The following TDRD3 variants were observed in gnomAD, a reference collection of about 807,000 sequenced individuals.
The protein encoded by TDRD3 is tudor domain-containing protein 3.
A neutral mutation model predicts 86.7 loss-of-function variants in TDRD3; 45 were observed. That is an observed-to-expected ratio of 0.52 (90% CI 0.41 to 0.67). TDRD3 has a LOEUF of 0.67. TDRD3 is among the 30% of genes least tolerant of loss of function. TDRD3 has a pLI of 0.00. For missense variants in TDRD3, 814 were observed against 889.0 expected, an observed-to-expected ratio of 0.92 and a Z score of 1.07; for synonymous variants, 298 against 301.7, an observed-to-expected ratio of 0.99 and a Z score of 0.13.
intron 1 of TDRD3, among the ~76,000 whole-genome samples, chr13:60,425,548 T>TA (rs1465046545): frequency 1.3e-5 from 2 of 152,184 alleles, no homozygotes; most frequent in Non-Finnish European, 1.5e-5. Flanking sequence ...CTCATAAAGA[T>TA]ATTTGCACTT....
intron 8 of TDRD3, among the ~76,000 whole-genome samples, chr13:60,508,287 C>T (rs993632920): frequency 4.6e-5 from 7 of 151,984 alleles, no homozygotes; most frequent in African/African-American, 1.7e-4. Flanking sequence ...TCAGATGGGA[C>T]CAAAAAGGAG....
At chr13:60,435,477 A>G (rs1478033967) in intron 1 of TDRD3, among the ~76,000 whole-genome samples, 1 of 152,042 alleles carries the variant, frequency 6.6e-6, no homozygotes, top group East Asian at 1.9e-4. Context: ...ATGTATTTGC[A>G]CCCTCATGCC....
chr13:60,536,163 C>T (rs1957693327), intron 12 of TDRD3: 1 of 151,922 alleles, frequency 6.6e-6, no homozygotes, highest in South Asian at 2.1e-4. Context: ...ACCCCTTCTC[C>T]ACCTTCCAAA....
chr13:60,561,865 TG>T (rs200925098), intron 12 of TDRD3, among the ~76,000 whole-genome samples: 17,707 of 141,898 alleles, frequency 0.12, 1,339 homozygotes, highest in South Asian at 0.26. Flanking sequence ...CCAGGTTTTT[TG>T]TTGTTGTTGT....
intron 10 of TDRD3, among the ~76,000 whole-genome samples, chr13:60,517,933 T>C (rs1369134890): frequency 2.0e-5 from 3 of 152,206 alleles, no homozygotes; most frequent in African/African-American, 7.2e-5. Context: ...CAGCAGCAGA[T>C]TGGAAATTAA....
In TDRD3 at chr13:60,400,738, A is replaced by C. The variant is rs979101641; in HGVS notation, c.41+3333A>C. On this transcript the variant is annotated intron_variant, in intron 1 of 13. Coordinates refer to ENST00000377881, the MANE Select transcript of TDRD3 (RefSeq NM_001146070.2). ...GGGCGACAGAGCGAGACTGTGTCTC[A>C]AAAAAAAAAAAAAAAGTGTCTTCCA... is the stretch of plus-strand genomic sequence containing the variant. Among the ~76,000 whole-genome samples the C allele has an allele frequency of 3.8e-4, 52 of 137,694 alleles. 1 individual carries two copies. The South Asian group carries it at 0.01, about 27-fold the overall frequency. 90.3% of individuals were successfully genotyped at this position (137,694 alleles called of 152,430 possible).
Position 60,535,095 on chromosome 13 carries a change from T to A in TDRD3, c.1993-13T>A. On this transcript the variant is annotated splice_polypyrimidine_tract_variant and intron_variant, in intron 11 of 13. Transcript: ENST00000377881. The stretch of plus-strand genomic sequence containing the variant: ...ACCAGTTGTCATATTTAAAACTCCT[T>A]TTGCCTCCTCAGTTTTACCGGGCAG... The A allele has an allele frequency of 1.9e-6, 3 of 1,613,102 alleles. No homozygotes were observed. The highest frequency in any genetic ancestry group is 2.5e-6 in the Non-Finnish European group (3 of 1,179,574).
At chr13:60,424,554 GTAGTCC>G (rs988991308) in intron 1 of TDRD3, among the ~76,000 whole-genome samples, 5 of 152,016 alleles carry the variant, frequency 3.3e-5, no homozygotes, top group African/African-American at 7.2e-5. Flanking sequence ...GGATGCTCCT[GTAGTCC>G]CAGCTACTCC....
chr13:60,432,456 A>G (rs1292808910), intron 1 of TDRD3, among the ~76,000 whole-genome samples: 1 of 152,052 alleles, frequency 6.6e-6, no homozygotes, highest in Non-Finnish European at 1.5e-5. Flanking sequence ...CTTTCAAGCC[A>G]TTTTCCTTCT....
intron 4 of TDRD3, among the ~76,000 whole-genome samples, chr13:60,464,564 A>G (rs1239745976): frequency 1.3e-5 from 2 of 152,104 alleles, no homozygotes; most frequent in African/African-American, 4.8e-5. Context: ...ATGTGTGTGT[A>G]TACACATACA....
At chr13:60,538,790 C>G (rs1957750736) in intron 12 of TDRD3, among the ~76,000 whole-genome samples, 1 of 152,088 alleles carries the variant, frequency 6.6e-6, no homozygotes, top group Non-Finnish European at 1.5e-5. Flanking sequence ...GTAAAATACT[C>G]TGGTGCTGCT....
chr13:60,510,802 C>CTTTTTTTTTTTTTTTTGTTT (rs370448567), intron 10 of TDRD3, 47 bp downstream of exon 10: 1 of 1,003,820 alleles, frequency 1.0e-6, no homozygotes, highest in African/African-American at 1.8e-5. Context: ...TCTTTTCTTT[C>CTTTTTTTTTTTTTTTTGTTT]TTTTTTTTTT....
At chr13:60,454,493 A>G (rs756126824) in intron 3 of TDRD3, among the ~76,000 whole-genome samples, 2 of 152,068 alleles carry the variant, frequency 1.3e-5, no homozygotes, top group Non-Finnish European at 2.9e-5. Context: ...CTCTGTGAGA[A>G]TCCTGGCCAC....
intron 12 of TDRD3, among the ~76,000 whole-genome samples, chr13:60,558,371 G>A (rs1263775934): frequency 6.6e-6 from 1 of 152,154 alleles, no homozygotes; most frequent in African/African-American, 2.4e-5. Flanking sequence ...TGTGATTAGT[G>A]CTCATATGTC....
At chr13:60,496,288 C>CATATATAT (rs56211733) in intron 8 of TDRD3, among the ~76,000 whole-genome samples, 19 of 61,246 alleles carry the variant, frequency 3.1e-4, no homozygotes, top group Admixed American at 4.4e-4. Flanking sequence ...AACAAACTCC[C>CATATATAT]ATATATATAT....
rs186339799 is a variant in TDRD3 at position 60,557,726 on chromosome 13, T to G, written c.2119-9799T>G. ...TCTTATATCAAGCATTTCTTATAAT[T>G]ATCTCTCCTACCACTCCAAGTTTTA... is the stretch of plus-strand genomic sequence containing the variant. On this transcript the variant is annotated intron_variant, in intron 12 of 13. Transcript: ENST00000377881. Among the ~76,000 whole-genome samples, 43 of 152,072 alleles carry G rather than the reference T, an allele frequency of 2.8e-4. 1 individual carries two copies. Among genetic ancestry groups the G allele is most frequent in the African/African-American group, 1.0e-3 (43 of 41,546 alleles).
At position 60,446,603 on chromosome 13, in the gene TDRD3, A is replaced by G. The variant is rs545951879; in HGVS notation, c.192+1855A>G. On this transcript the variant is annotated intron_variant, in intron 3 of 13. Transcript: ENST00000377881. ...AGAATTAATAATTGTCTTCACCAGT[A>G]TTAATGAAGATGTTTTGAAAAATAA... Among the ~76,000 whole-genome samples the G allele has an allele frequency of 5.9e-5, 9 of 152,276 alleles. No individual in the cohort carries two copies. The South Asian group carries it at 6.2e-4, about 11-fold the overall frequency.
intron 12 of TDRD3, among the ~76,000 whole-genome samples, chr13:60,556,904 T>C (rs1417870032): frequency 6.6e-6 from 1 of 151,924 alleles, no homozygotes; most frequent in Non-Finnish European, 1.5e-5. Flanking sequence ...CTTAAGAAAA[T>C]GTAAATAGAA....
At chr13:60,399,020 C>G (rs142820351) in intron 1 of TDRD3, among the ~76,000 whole-genome samples, 8 of 152,320 alleles carry the variant, frequency 5.3e-5, no homozygotes, top group Non-Finnish European at 1.2e-4. Flanking sequence ...GACCCCCCCT[C>G]CTTTGGAAAG....
Sources: allele counts gnomAD v4.1 joint callset (sites outside exome capture counted in the v4.1 genomes callset), GRCh38; gene constraint gnomAD v4.1.1; transcripts MANE v1.5; gene names NCBI Gene and HGNC (gene_info 2026-07-23, HGNC 2026-07-21).